RBBP4: variants seen among roughly 807,000 people sequenced by gnomAD.
RBBP4 encodes the protein histone-binding protein RBBP4.
RBBP4 carries 3 observed loss-of-function variants against 57.2 expected under a neutral mutation model. The observed-to-expected ratio is 0.05, with a 90% CI of 0.02 to 0.14. RBBP4 has a LOEUF of 0.14. Among genes scored for constraint, RBBP4 ranks in the 10% least tolerant of loss-of-function variants. The probability of loss-of-function intolerance (pLI) is 1.00; values close to 1 mark genes in which losing one functional copy is unlikely to be tolerated. For synonymous variants in RBBP4, 151 were observed against 171.5 expected (o/e 0.88, Z 0.93); for missense variants, 107 against 520.6 (o/e 0.21, Z 7.73).
In RBBP4 at chr1:32,684,138, T is replaced by C; in HGVS notation, c.*4433T>C. 6.2e-7 allele frequency: 1 copy of C among 1,607,698 alleles called. No homozygotes were observed. Among genetic ancestry groups the C allele is most frequent in the African/African-American group, 1.3e-5 (1 of 74,614 alleles). On this transcript the variant is annotated 3_prime_UTR_variant, in exon 12 of 12. Transcript: ENST00000373493. Reference sequence around the variant, plus strand: ...CCATGTGTTTTTGGATAAGCACAATTTGAAAATCATTTCCCAAATCCTCTT... The same window carrying C: ...CCATGTGTTTTTGGATAAGCACAATCTGAAAATCATTTCCCAAATCCTCTT...
Position 32,684,520 on chromosome 1 carries a change from T to C in RBBP4, c.*4815T>C. On this transcript the variant is annotated 3_prime_UTR_variant, in exon 12 of 12. Transcript: ENST00000373493. Reference sequence around the variant, plus strand: ...TGAGGCTGGTATTTATATGATAGGTTATGAAACAGGTTCAAAGAAGTTGTG... The same window carrying C: ...TGAGGCTGGTATTTATATGATAGGTCATGAAACAGGTTCAAAGAAGTTGTG... 7.9e-7 allele frequency: 1 copy of C among 1,273,622 alleles called. No homozygotes were observed. Among genetic ancestry groups the C allele is most frequent in the Non-Finnish European group, 1.1e-6 (1 of 936,490 alleles). 78.9% of individuals were successfully genotyped at this position (1,273,622 alleles called of 1,614,324 possible).
chr1:32,657,667 T>G (rs1648202078), intron 3 of RBBP4, 95 bp downstream of exon 3: 1 of 1,407,788 alleles, frequency 7.1e-7, no homozygotes, highest in Non-Finnish European at 9.6e-7. Flanking sequence ...AAACAATATT[T>G]AAGGTTGAGG....
intron 3 of RBBP4, among the ~76,000 whole-genome samples, chr1:32,660,959 G>A (rs530922069): frequency 6.6e-6 from 1 of 152,042 alleles, no homozygotes; most frequent in Non-Finnish European, 1.5e-5. Flanking sequence ...GCAGGCATGC[G>A]CCACCATGCC....
intron 2 of RBBP4, among the ~76,000 whole-genome samples, chr1:32,653,828 T>G (rs1648018058): frequency 6.6e-6 from 1 of 151,718 alleles, no homozygotes; most frequent in Non-Finnish European, 1.5e-5. Flanking sequence ...CTGGCTAATT[T>G]TTTGTATTTT....
chr1:32,660,492 C>T (rs1046624763), intron 3 of RBBP4, among the ~76,000 whole-genome samples: 5 of 152,010 alleles, frequency 3.3e-5, no homozygotes, highest in Non-Finnish European at 1.5e-5. Flanking sequence ...TCTCTGCTCA[C>T]TGCAACCTCC....
At chr1:32,660,427 T>TTTATTTA (rs1553194486) in intron 3 of RBBP4, among the ~76,000 whole-genome samples, 7 of 150,658 alleles carry the variant, frequency 4.6e-5, no homozygotes, top group Non-Finnish European at 8.8e-5. Flanking sequence ...TATTTATTTA[T>TTTATTTA]TTTTTTTGAG....
At position 32,683,924 on chromosome 1, in the gene RBBP4, C is replaced by T. The variant is rs1394510814; in HGVS notation, c.*4219C>T. The T allele has an allele frequency of 1.4e-5, 20 of 1,379,518 alleles. No individual in the cohort carries two copies. Among genetic ancestry groups the T allele is most frequent in the African/African-American group, 5.7e-5 (4 of 70,460 alleles). The allele number at this position is 1,379,518 out of a possible 1,614,324, so 85.5% of individuals were successfully genotyped here. On this transcript the variant is annotated 3_prime_UTR_variant, in exon 12 of 12. Coordinates refer to ENST00000373493, the MANE Select transcript of RBBP4 (RefSeq NM_005610.3). ...CTAGGATTACAGGCGTGAGCCACCC[C>T]GTCCGGCCTGTTTTTAAGGCATTAA...
chr1:32,673,958 G>A (rs1441663033), intron 11 of RBBP4, among the ~76,000 whole-genome samples: 3 of 151,946 alleles, frequency 2.0e-5, no homozygotes, highest in Non-Finnish European at 2.9e-5. Flanking sequence ...AAAATTAGCC[G>A]GGCGTGGTGG....
At chr1:32,672,575 A>C in intron 9 of RBBP4, 49 bp downstream of exon 9, 1 of 1,596,512 alleles carries the variant, frequency 6.3e-7, no homozygotes, top group Non-Finnish European at 8.6e-7. Flanking sequence ...TCCTTTATTT[A>C]CACTTTGCAA....
chr1:32,651,680 C>CTCCGA, intron 1 of RBBP4: 1 of 744,132 alleles, frequency 1.3e-6, no homozygotes. Flanking sequence ...CACGAGCGTG[C>CTCCGA]TCCGAAGGCC....
In RBBP4 at chr1:32,679,844, A is replaced by G; in HGVS notation, c.*139A>G. On this transcript the variant is annotated 3_prime_UTR_variant, in exon 12 of 12. Coordinates refer to ENST00000373493, the MANE Select transcript of RBBP4 (RefSeq NM_005610.3). ...TACCACCGATAATGCTATTAGCCCA[A>G]ACCGTGGGTGTTTTCTAAATATTAA... 1 of 1,369,508 alleles carries G rather than the reference A, an allele frequency of 7.3e-7. No homozygotes were observed. Among genetic ancestry groups the G allele is most frequent in the Non-Finnish European group, 9.4e-7 (1 of 1,066,202 alleles). 84.8% of individuals were successfully genotyped at this position (1,369,508 alleles called of 1,614,324 possible). A position where few individuals can be genotyped will look rare whatever the true frequency, so the allele number is the denominator to read the frequency against.
At chr1:32,654,222 ATAT>A (rs1471823542) in intron 2 of RBBP4, among the ~76,000 whole-genome samples, 3 of 152,010 alleles carry the variant, frequency 2.0e-5, no homozygotes, top group Non-Finnish European at 2.9e-5. Context: ...AAAATTACAA[ATAT>A]TATCCGGGCA....
chr1:32,662,955 C>G (rs1293624077), intron 3 of RBBP4, among the ~76,000 whole-genome samples: 3 of 151,856 alleles, frequency 2.0e-5, no homozygotes, highest in Admixed American at 1.3e-4. Flanking sequence ...CTACTGCACT[C>G]CAGCCTGGGT....
intron 11 of RBBP4, among the ~76,000 whole-genome samples, chr1:32,673,278 G>T (rs1477221158): frequency 6.6e-6 from 1 of 152,058 alleles, no homozygotes; most frequent in African/African-American, 2.4e-5. Context: ...TATCTGCGGT[G>T]TTTCTCCCAT....
rs560460953 is a variant in RBBP4 at position 32,660,588 on chromosome 1, A to C, written c.310+3016A>C. 2.1e-3 allele frequency among the ~76,000 whole-genome samples: 303 copies of C among 144,466 alleles called. 12 individuals carry two copies. In the East Asian group the frequency reaches 0.056, roughly 27 times the overall value. The allele number at this position is 144,466 out of a possible 152,430, so 94.8% of individuals were successfully genotyped here. On this transcript the variant is annotated intron_variant, in intron 3 of 11. Transcript: ENST00000373493. ...CCCACCACCACACCCAGATAACTTA[A>C]TTTTTTTTTTTTTTAAGAGATGGCA...
At chr1:32,659,034 ATG>A (rs1489072842) in intron 3 of RBBP4, among the ~76,000 whole-genome samples, 3 of 147,380 alleles carry the variant, frequency 2.0e-5, no homozygotes, top group African/African-American at 4.9e-5. Context: ...GATAATATAA[ATG>A]TATTATATTT....
chr1:32,667,938 A>G (rs1484759792), intron 3 of RBBP4, among the ~76,000 whole-genome samples: 1 of 152,198 alleles, frequency 6.6e-6, no homozygotes, highest in Non-Finnish European at 1.5e-5. Context: ...TACATGTTCA[A>G]TACATATGCA....
At chr1:32,653,022 T>C (rs1468234262) in intron 2 of RBBP4, among the ~76,000 whole-genome samples, 2 of 152,192 alleles carry the variant, frequency 1.3e-5, no homozygotes, top group Non-Finnish European at 1.5e-5. Context: ...GGCTTTCTTA[T>C]AAGGGGTTTG....
Position 32,679,793 on chromosome 1 carries a change from AT to A in RBBP4, c.*90del. On this transcript the variant is annotated 3_prime_UTR_variant, in exon 12 of 12. Coordinates refer to ENST00000373493, the MANE Select transcript of RBBP4 (RefSeq NM_005610.3). ...TAACACTGGTTTTGAGACAGACTTT[AT>A]TCAGCTATCCCTCTATATAATAGGT... 1 of 1,569,798 alleles carries A rather than the reference AT, an allele frequency of 6.4e-7. No individual in the cohort carries two copies. The highest frequency in any genetic ancestry group is 8.6e-7 in the Non-Finnish European group (1 of 1,161,272).
Sources: gnomAD v4.1 joint callset for allele counts (sites outside exome capture counted in the v4.1 genomes callset) on GRCh38, gnomAD v4.1.1 for gene constraint, MANE v1.5 for transcripts, NCBI Gene and HGNC (gene_info 2026-07-23, HGNC 2026-07-21) for gene names.